Variants in CNTNAP2 observed in about 807,000 individuals in gnomAD.
The protein encoded by CNTNAP2 is contactin-associated protein-like 2.
A neutral mutation model predicts 155.2 loss-of-function variants in CNTNAP2; 98 were observed. The observed-to-expected ratio is 0.63, with a 90% confidence interval of 0.54 to 0.75. The LOEUF is 0.75. CNTNAP2 is among the 30% of genes least tolerant of loss of function. The probability of loss-of-function intolerance (pLI) is 0.00; values close to 1 mark genes in which losing one functional copy is unlikely to be tolerated. For missense variants in CNTNAP2, 1,727 were observed against 1,688.1 expected (o/e 1.02, Z -0.40); for synonymous variants, 651 against 631.2 (o/e 1.03, Z -0.47).
At chr7:146,128,726 A>G (rs1797672817) in intron 1 of CNTNAP2, among the ~76,000 whole-genome samples, 1 of 152,152 alleles carries the variant, frequency 6.6e-6, no homozygotes, top group Admixed American at 6.5e-5. Flanking sequence ...CTGTATACAA[A>G]TTGTTTCTTA....
intron 6 of CNTNAP2, among the ~76,000 whole-genome samples, chr7:147,127,714 A>G (rs905972102): frequency 6.6e-6 from 1 of 152,314 alleles, no homozygotes; most frequent in African/African-American, 2.4e-5. Context: ...ATAGTTATAT[A>G]TTCTCATTGA....
At chr7:147,227,107 T>C (rs961077267) in intron 8 of CNTNAP2, among the ~76,000 whole-genome samples, 2 of 152,190 alleles carry the variant, frequency 1.3e-5, no homozygotes, top group Non-Finnish European at 1.5e-5. Flanking sequence ...CCTGAGAAGA[T>C]GGCAATTTAG....
intron 1 of CNTNAP2, among the ~76,000 whole-genome samples, chr7:146,721,826 T>C (rs1231107383): frequency 1.7e-5 from 2 of 119,708 alleles, no homozygotes; most frequent in African/African-American, 8.5e-5. Context: ...ATATGTAGAC[T>C]ATATATAGTC....
At chr7:147,983,692 A>T (rs979459966) in intron 15 of CNTNAP2, among the ~76,000 whole-genome samples, 1 of 152,220 alleles carries the variant, frequency 6.6e-6, no homozygotes, top group African/African-American at 2.4e-5. Context: ...AGGTGGATTT[A>T]AAAATGTTCT....
chr7:146,191,147 T>G (rs1050370749), intron 1 of CNTNAP2, among the ~76,000 whole-genome samples: 6 of 152,192 alleles, frequency 3.9e-5, no homozygotes, highest in Non-Finnish European at 8.8e-5. Flanking sequence ...TCAACGTAGG[T>G]TCTTTTCTAT....
At chr7:146,483,281 AAATATATATATATAT>A (rs1796995231) in intron 1 of CNTNAP2, among the ~76,000 whole-genome samples, 1 of 58,030 alleles carries the variant, frequency 1.7e-5, no homozygotes, top group Admixed American at 1.7e-4. Context: ...GTCTAAAAAA[AAATATATATATATAT>A]ATATATATAT....
chr7:147,388,642 G>A lies in CNTNAP2; in HGVS notation c.1499-6967G>A, dbSNP rs141391664. On this transcript the variant is annotated intron_variant, in intron 9 of 23. Coordinates refer to ENST00000361727, the MANE Select transcript of CNTNAP2 (RefSeq NM_014141.6). The stretch of plus-strand genomic sequence containing the variant: ...GTAACCCAGGCTGGAGTGCAATGGC[G>A]CAATCTTGGCTCACTGCAACCTCCA... 4.1e-4 allele frequency among the ~76,000 whole-genome samples: 62 copies of A among 151,698 alleles called. No homozygotes were observed. The East Asian group carries it at 6.7e-3, about 16-fold the overall frequency.
chr7:148,199,850 G>A (rs1278508073), intron 18 of CNTNAP2, among the ~76,000 whole-genome samples: 2 of 152,186 alleles, frequency 1.3e-5, no homozygotes, highest in Non-Finnish European at 2.9e-5. Context: ...TATCCCATCT[G>A]CAAGCTGGAG....
chr7:146,520,941 T>C (rs111378363), intron 1 of CNTNAP2, among the ~76,000 whole-genome samples: 4,439 of 151,960 alleles, frequency 0.029, 104 homozygotes, highest in Non-Finnish European at 0.042. Flanking sequence ...CTCCAACACT[T>C]TCCATCCTTA....
chr7:148,344,649 A>G (rs962873618), intron 21 of CNTNAP2, among the ~76,000 whole-genome samples: 2 of 152,142 alleles, frequency 1.3e-5, no homozygotes, highest in African/African-American at 4.8e-5. Context: ...ATCAGTGACA[A>G]TTGTTGTCAT....
At chr7:147,703,514 A>T (rs900701756) in intron 13 of CNTNAP2, among the ~76,000 whole-genome samples, 1 of 152,222 alleles carries the variant, frequency 6.6e-6, no homozygotes, top group African/African-American at 2.4e-5. Context: ...TTAGGTATTT[A>T]CAGAGTAAGG....
At chr7:146,409,312 A>G (rs1407509079) in intron 1 of CNTNAP2, among the ~76,000 whole-genome samples, 2 of 152,228 alleles carry the variant, frequency 1.3e-5, no homozygotes, top group Non-Finnish European at 2.9e-5. Context: ...CTTAAAACAA[A>G]TCACTTGAAA....
chr7:146,270,256 C>T (rs1412273760), intron 1 of CNTNAP2, among the ~76,000 whole-genome samples: 2 of 151,888 alleles, frequency 1.3e-5, no homozygotes, highest in Non-Finnish European at 2.9e-5. Context: ...AATTCAAGAC[C>T]CTCCATATTC....
chr7:147,656,107 C>A (rs778134344), intron 13 of CNTNAP2, among the ~76,000 whole-genome samples: 5 of 152,208 alleles, frequency 3.3e-5, no homozygotes, highest in African/African-American at 4.8e-5. Flanking sequence ...GACTTCTCAC[C>A]TTTCTGAGCC....
intron 7 of CNTNAP2, 27 bp from the exon 8 acceptor site, chr7:147,132,218 C>T (rs1470289903): frequency 1.2e-6 from 2 of 1,612,860 alleles, no homozygotes; most frequent in East Asian, 2.2e-5. Context: ...CTGTGTTTTC[C>T]TCAGAGCCTG....
At chr7:146,233,626 C>G (rs902960537) in intron 1 of CNTNAP2, among the ~76,000 whole-genome samples, 99 of 152,234 alleles carry the variant, frequency 6.5e-4, no homozygotes, top group Non-Finnish European at 1.5e-4. Flanking sequence ...TCCCCCCACA[C>G]CACAACAGTC....
chr7:147,413,229 C>A (rs759942988), intron 10 of CNTNAP2, among the ~76,000 whole-genome samples: 2 of 152,098 alleles, frequency 1.3e-5, no homozygotes, highest in African/African-American at 2.4e-5. Context: ...TGGTTTCTAT[C>A]GAAAAATTTA....
At chr7:147,327,269 A>G (rs1370262463) in intron 9 of CNTNAP2, among the ~76,000 whole-genome samples, 3 of 152,176 alleles carry the variant, frequency 2.0e-5, no homozygotes, top group Non-Finnish European at 4.4e-5. Context: ...GCTCTACCTT[A>G]TGATGTCCAT....
chr7:147,963,077 C>G (rs187300888), intron 14 of CNTNAP2, among the ~76,000 whole-genome samples: 14 of 152,032 alleles, frequency 9.2e-5, no homozygotes, highest in African/African-American at 3.4e-4. Flanking sequence ...ACTGCAATAT[C>G]GAGGTCAAGT....
Sources: allele counts gnomAD v4.1 joint callset (sites outside exome capture counted in the v4.1 genomes callset), GRCh38; gene constraint gnomAD v4.1.1; transcripts MANE v1.5; gene names NCBI Gene and HGNC (gene_info 2026-07-23, HGNC 2026-07-21).